Variants in LRRC69 observed in about 807,000 individuals in gnomAD.
LRRC69 encodes leucine-rich repeat-containing protein 69.
LRRC69 carries 42 observed loss-of-function variants against 37.8 expected under a neutral mutation model. The observed-to-expected ratio is 1.11, with a 90% CI of 0.87 to 1.44. The LOEUF (loss-of-function observed/expected upper bound fraction) is 1.44, where lower values mean the gene tolerates loss of function less well. Among genes scored for constraint, LRRC69 ranks in the 40% most tolerant of loss-of-function variants. The pLI is 0.00. For synonymous variants in LRRC69, 141 were observed against 143.1 expected, an observed-to-expected ratio of 0.99 and a Z score of 0.11; for missense variants, 357 against 401.9, an observed-to-expected ratio of 0.89 and a Z score of 0.96.
chr8:91,166,083 C>T (rs1472184087), intron 5 of LRRC69, among the ~76,000 whole-genome samples: 2 of 151,750 alleles, frequency 1.3e-5, no homozygotes, highest in Non-Finnish European at 2.9e-5. Flanking sequence ...AACTTTCTAA[C>T]TGTGTGACTT....
At chr8:91,167,608 C>A (rs1809052092) in intron 5 of LRRC69, among the ~76,000 whole-genome samples, 2 of 151,978 alleles carry the variant, frequency 1.3e-5, no homozygotes, top group Non-Finnish European at 2.9e-5. Context: ...ATGTTTAACA[C>A]AATCAGCTCC....
chr8:91,108,800 ATTC>A (rs1342137587), intron 1 of LRRC69, among the ~76,000 whole-genome samples: 6 of 151,980 alleles, frequency 3.9e-5, no homozygotes, highest in East Asian at 1.9e-4. Flanking sequence ...GCCCAAGATA[ATTC>A]TTCTTCCAAT....
In LRRC69 at chr8:91,202,700, A is replaced by T. The variant is rs78830123; in HGVS notation, c.933+1908A>T. Among the ~76,000 whole-genome samples, 243 of 152,352 alleles carry T rather than the reference A, an allele frequency of 1.6e-3. 1 individual carries two copies. In the East Asian group the frequency reaches 0.044, roughly 27 times the overall value. ...GAGAGTTGAGATAGGCAGGAGTGAG[A>T]TCACAAAATACCACGTAGTTTACAT... On this transcript the variant is annotated intron_variant, in intron 7 of 7. Transcript: ENST00000448384.
intron 1 of LRRC69, among the ~76,000 whole-genome samples, chr8:91,114,249 A>G (rs1813466936): frequency 6.6e-6 from 1 of 151,966 alleles, no homozygotes; most frequent in Non-Finnish European, 1.5e-5. Flanking sequence ...AAAGAGTATG[A>G]AGATTCCTCA....
chr8:91,119,900 T>C (rs545300642), intron 1 of LRRC69, among the ~76,000 whole-genome samples: 17 of 152,100 alleles, frequency 1.1e-4, no homozygotes, highest in Admixed American at 1.1e-3. Context: ...CACCCACTTG[T>C]ACTTTGTACC....
chr8:91,181,069 G>T (rs1309656008), intron 5 of LRRC69, among the ~76,000 whole-genome samples: 1 of 152,122 alleles, frequency 6.6e-6, no homozygotes, highest in South Asian at 2.1e-4. Context: ...AATCTTTATT[G>T]TATAGTATCT....
At chr8:91,167,595 T>G (rs140420135) in intron 5 of LRRC69, among the ~76,000 whole-genome samples, 70 of 152,120 alleles carry the variant, frequency 4.6e-4, no homozygotes, top group African/African-American at 1.6e-3. Flanking sequence ...GTTTTGCTAG[T>G]AAATGTTTAA....
intron 7 of LRRC69, among the ~76,000 whole-genome samples, chr8:91,211,208 A>G (rs1809909951): frequency 6.6e-6 from 1 of 152,116 alleles, no homozygotes; most frequent in Non-Finnish European, 1.5e-5. Context: ...TTTTTAAAGG[A>G]AAATTGTTTT....
intron 5 of LRRC69, among the ~76,000 whole-genome samples, chr8:91,174,557 A>T (rs1482522466): frequency 6.6e-6 from 1 of 152,198 alleles, no homozygotes; most frequent in Non-Finnish European, 1.5e-5. Context: ...GGAAGACAAG[A>T]TCTCACAATT....
intron 4 of LRRC69, among the ~76,000 whole-genome samples, chr8:91,135,106 G>A (rs539834481): frequency 1.3e-5 from 2 of 152,150 alleles, no homozygotes; most frequent in Non-Finnish European, 2.9e-5. Flanking sequence ...ATGAGATACT[G>A]AAGGAACACA....
chr8:91,166,260 C>T (rs977093636), intron 5 of LRRC69, among the ~76,000 whole-genome samples: 1 of 151,646 alleles, frequency 6.6e-6, no homozygotes, highest in African/African-American at 2.4e-5. Flanking sequence ...CCTGTCTTCC[C>T]TTGTCACCAT....
intron 1 of LRRC69, among the ~76,000 whole-genome samples, chr8:91,108,202 T>C (rs1402409711): frequency 6.6e-6 from 1 of 152,068 alleles, no homozygotes; most frequent in Non-Finnish European, 1.5e-5. Flanking sequence ...CTAACCAGAT[T>C]TGAGTAGTTT....
chr8:91,149,801 G>A (rs372920088), intron 5 of LRRC69, among the ~76,000 whole-genome samples: 1,953 of 151,440 alleles, frequency 0.013, 15 homozygotes, highest in Non-Finnish European at 0.016. Flanking sequence ...GGTCCTTCAC[G>A]TCCCTTGTAA....
chr8:91,157,447 C>G, intron 5 of LRRC69: 1 of 1,605,404 alleles, frequency 6.2e-7, no homozygotes, highest in Non-Finnish European at 8.5e-7. Context: ...GCTTATTGGG[C>G]CAATGAAAAT....
At chr8:91,218,199 C>T (rs1810089877) in intron 7 of LRRC69, among the ~76,000 whole-genome samples, 1 of 152,122 alleles carries the variant, frequency 6.6e-6, no homozygotes, top group African/African-American at 2.4e-5. Context: ...TTGTGGAAAT[C>T]TTTTGGATTC....
Position 91,124,934 on chromosome 8 carries a change from C to A in LRRC69, c.310+315C>A, listed in dbSNP as rs371466306. Among the ~76,000 whole-genome samples the A allele has an allele frequency of 5.9e-5, 9 of 151,896 alleles. No homozygotes were observed. In the South Asian group the frequency reaches 1.9e-3, roughly 31 times the overall value. ...GCCAGAGATAATTCTATTGGGAAAT[C>A]AAATCAAGTAAAGCTATACTGTAGC... On this transcript the variant is annotated intron_variant, in intron 2 of 7. Coordinates refer to ENST00000448384, the Ensembl canonical transcript of LRRC69.
intron 1 of LRRC69, among the ~76,000 whole-genome samples, chr8:91,120,213 A>G (rs540308378): frequency 1.1e-4 from 17 of 151,970 alleles, no homozygotes; most frequent in South Asian, 2.1e-4. Flanking sequence ...TCACTTTCCA[A>G]TTGCTAAATC....
chr8:91,197,476 T>G (rs1273795435), intron 6 of LRRC69, among the ~76,000 whole-genome samples: 3 of 151,916 alleles, frequency 2.0e-5, no homozygotes, highest in Admixed American at 6.6e-5. Context: ...CTCAGACTGC[T>G]GTGCTAGCAA....
Position 91,200,606 on chromosome 8 carries a change from A to G in LRRC69, c.754-7A>G. On this transcript the variant is annotated splice_region_variant and splice_polypyrimidine_tract_variant and intron_variant, in intron 6 of 7. Transcript: ENST00000448384. ...TCTGAGGAACTGTATTTTTTTTTTC[A>G]ATTTAGGAAATAACATCAAGATTTG... 2 of 1,425,958 alleles carry G rather than the reference A, an allele frequency of 1.4e-6. No individual in the cohort carries two copies. Among genetic ancestry groups the G allele is most frequent in the Non-Finnish European group, 1.8e-6 (2 of 1,087,662 alleles). The allele number at this position is 1,425,958 out of a possible 1,614,324, so 88.3% of individuals were successfully genotyped here.
Sources: gnomAD v4.1 joint callset for allele counts (sites outside exome capture counted in the v4.1 genomes callset) on GRCh38, gnomAD v4.1.1 for gene constraint, MANE v1.5 for transcripts, NCBI Gene and HGNC (gene_info 2026-07-23, HGNC 2026-07-21) for gene names.